SIPA1L3: variants seen among roughly 807,000 people sequenced by gnomAD.
SIPA1L3 encodes signal induced proliferation associated 1 like 3, also known as signal-induced proliferation-associated 1-like protein 3.
SIPA1L3 carries 59 observed loss-of-function variants against 150.1 expected under a neutral mutation model. The ratio of observed to expected loss-of-function variants is 0.39; its 90% CI spans 0.32 to 0.49. The LOEUF is 0.49. Ranked by LOEUF, SIPA1L3 falls within the 20% of genes least tolerant of loss-of-function variation. The probability of loss-of-function intolerance (pLI) is 0.86; values close to 1 mark genes in which losing one functional copy is unlikely to be tolerated. For missense variants in SIPA1L3, 2,211 were observed against 2,489.5 expected, an observed-to-expected ratio of 0.89 and a Z score of 2.38; for synonymous variants, 1,070 against 1,077.6, an observed-to-expected ratio of 0.99 and a Z score of 0.14.
chr19:38,010,215 A>G (rs1437406189), intron 1 of SIPA1L3, among the ~76,000 whole-genome samples: 3 of 152,054 alleles, frequency 2.0e-5, no homozygotes, highest in Non-Finnish European at 2.9e-5. Flanking sequence ...AGCCTGGGCA[A>G]TATAAGGAGA....
At chr19:37,998,880 G>C (rs899803345) in intron 1 of SIPA1L3, among the ~76,000 whole-genome samples, 1 of 152,080 alleles carries the variant, frequency 6.6e-6, no homozygotes, top group Admixed American at 6.5e-5. Context: ...GCAGAATCTT[G>C]ACAATTTTTG....
At chr19:38,004,590 T>C (rs1967890989) in intron 1 of SIPA1L3, among the ~76,000 whole-genome samples, 1 of 152,206 alleles carries the variant, frequency 6.6e-6, no homozygotes, top group African/African-American at 2.4e-5. Flanking sequence ...CTTGTGTCCT[T>C]ATCCCTGTCC....
At chr19:38,063,068 A>C (rs1969486274) in intron 2 of SIPA1L3, among the ~76,000 whole-genome samples, 1 of 152,166 alleles carries the variant, frequency 6.6e-6, no homozygotes, top group South Asian at 2.1e-4. Flanking sequence ...GTAGCAGGTG[A>C]TTAGAAGCTT....
intron 1 of SIPA1L3, among the ~76,000 whole-genome samples, chr19:37,939,247 A>G (rs2046629853): frequency 6.6e-6 from 1 of 152,026 alleles, no homozygotes; most frequent in Admixed American, 6.6e-5. Context: ...GATTAGTTTC[A>G]ACTACAGGCT....
At chr19:37,958,573 A>G (rs143216978) in intron 1 of SIPA1L3, among the ~76,000 whole-genome samples, 103 of 152,382 alleles carry the variant, frequency 6.8e-4, no homozygotes, top group African/African-American at 2.2e-3. Flanking sequence ...AGAAGAAAAC[A>G]TAAGATTATA....
intron 6 of SIPA1L3, among the ~76,000 whole-genome samples, chr19:38,105,321 C>T (rs959470227): frequency 1.3e-5 from 2 of 151,530 alleles, no homozygotes; most frequent in Non-Finnish European, 2.9e-5. Flanking sequence ...GCCCACATTG[C>T]GCCATTGCTC....
intron 13 of SIPA1L3, among the ~76,000 whole-genome samples, chr19:38,160,626 A>T (rs776463108): frequency 1.7e-4 from 24 of 145,328 alleles, no homozygotes; most frequent in South Asian, 8.9e-4. Flanking sequence ...GATGGTCTCA[A>T]CTCTTGACCT....
rs1970964584 is a variant in SIPA1L3, at chr19:38,119,409, A to G, written c.2395A>G (p.Lys799Glu). 1 of 1,614,166 alleles carries G rather than the reference A, an allele frequency of 6.2e-7. No individual in the cohort carries two copies. Among genetic ancestry groups the G allele is most frequent in the Non-Finnish European group, 8.5e-7 (1 of 1,180,024 alleles). The change falls in exon 9 of 22, where the codon AAG becomes GAG. Residue 799 changes from lysine to glutamate, a missense_variant. Lys to Glu is a moderately conservative substitution (Grantham distance 56). Around this residue, in one of 5 missense-constraint regions of SIPA1L3, gnomAD observed 625 missense variants for 804.2 expected, o/e 0.78. Coordinates refer to ENST00000222345, the MANE Select transcript of SIPA1L3 (RefSeq NM_015073.3). ...CGTCTTCAGAGACTTCTTGCTGGCC[A>G]AGGTGATTAACGCTGAGAACGCCGC... is the stretch of plus-strand genomic sequence containing the variant. ...SDVFRDFLLA[K>E]VINAENAAHK... is the part of the protein sequence containing the mutation.
chr19:38,153,532 T>C (rs1971874283), intron 13 of SIPA1L3, among the ~76,000 whole-genome samples: 1 of 151,632 alleles, frequency 6.6e-6, no homozygotes, highest in Non-Finnish European at 1.5e-5. Context: ...TAGCCGGGCA[T>C]GGTGGCATGT....
intron 1 of SIPA1L3, among the ~76,000 whole-genome samples, chr19:38,000,939 A>C (rs1967784020): frequency 7.8e-6 from 1 of 127,702 alleles, no homozygotes; most frequent in Non-Finnish European, 1.6e-5. Context: ...TATAACATAT[A>C]TAACATATAA....
intron 1 of SIPA1L3, among the ~76,000 whole-genome samples, chr19:38,012,046 T>C (rs1424776441): frequency 6.6e-6 from 1 of 151,080 alleles, no homozygotes; most frequent in Non-Finnish European, 1.5e-5. Context: ...TTGTCTCCTG[T>C]GTCTCCCAAC....
At position 38,063,262 on chromosome 19, in the gene SIPA1L3, C is replaced by T. The variant is rs1302724759; in HGVS notation, c.-310-17994C>T. Among the ~76,000 whole-genome samples, 5 of 152,072 alleles carry T rather than the reference C, an allele frequency of 3.3e-5. No individual in the cohort carries two copies. The South Asian group carries it at 6.2e-4, about 19-fold the overall frequency. ...AGCTGTGTGTGTCCAGCACCTGCAC[C>T]GCCCCCGCCGGCCCCCAGCTCCCAT... On this transcript the variant is annotated intron_variant, in intron 2 of 21. Coordinates refer to ENST00000222345, the MANE Select transcript of SIPA1L3 (RefSeq NM_015073.3).
intron 2 of SIPA1L3, among the ~76,000 whole-genome samples, chr19:38,071,255 A>ATCTG (rs1301112960): frequency 7.0e-6 from 1 of 143,242 alleles, no homozygotes; most frequent in East Asian, 2.0e-4. Flanking sequence ...CTATCTATCT[A>ATCTG]TCTATCTATC....
chr19:38,081,005 A>G (rs985524085), intron 2 of SIPA1L3, among the ~76,000 whole-genome samples: 8 of 152,046 alleles, frequency 5.3e-5, no homozygotes, highest in African/African-American at 1.2e-4. Context: ...GGTTTACTCT[A>G]AAACATTCTA....
At chr19:38,009,777 C>G (rs1488530495) in intron 1 of SIPA1L3, among the ~76,000 whole-genome samples, 1 of 152,094 alleles carries the variant, frequency 6.6e-6, no homozygotes. Flanking sequence ...CGTTGCCACA[C>G]TGCTTCCCCA....
At position 38,110,364 on chromosome 19, in the gene SIPA1L3, C is replaced by T. The variant is rs1423244052; in HGVS notation, c.2271C>T (p.Cys757=). 1 of 1,614,086 alleles carries T rather than the reference C, an allele frequency of 6.2e-7. No homozygotes were observed. Among genetic ancestry groups the T allele is most frequent in the South Asian group, 1.1e-5 (1 of 91,076 alleles). Residue 757 remains cysteine (C), a synonymous_variant, in exon 8 of 22, where the codon TGC becomes TGT. Transcript: ENST00000222345. ...VFIIVRVHNP[C]TDNVCYSMAV... ...TCATTGTCCGAGTCCACAACCCCTG[C>T]ACTGATAACGTCTGTTACAGGTATG...
At chr19:38,028,447 A>G (rs1375437422) in intron 1 of SIPA1L3, among the ~76,000 whole-genome samples, 2 of 152,028 alleles carry the variant, frequency 1.3e-5, no homozygotes, top group Non-Finnish European at 2.9e-5. Context: ...GGTCTCATGT[A>G]TTCACATCTC....
intron 15 of SIPA1L3, among the ~76,000 whole-genome samples, chr19:38,179,087 A>C (rs907064894): frequency 6.6e-6 from 1 of 152,170 alleles, no homozygotes; most frequent in African/African-American, 2.4e-5. Flanking sequence ...TTGTTTCTGT[A>C]TGTCTACTAT....
intron 1 of SIPA1L3, among the ~76,000 whole-genome samples, chr19:37,957,807 G>A (rs1036788948): frequency 1.1e-4 from 16 of 152,068 alleles, no homozygotes; most frequent in African/African-American, 3.6e-4. Flanking sequence ...CGACTTCTGA[G>A]CTCAAGTGAT....
Sources: gnomAD v4.1 joint callset for allele counts (sites outside exome capture counted in the v4.1 genomes callset) on GRCh38, gnomAD v4.1.1 for gene constraint, gnomAD v4.1.1 regional missense constraint, MANE v1.5 for transcripts, NCBI Gene and HGNC (gene_info 2026-07-23, HGNC 2026-07-21) for gene names.